The following TCF4 variants were observed in gnomAD, a reference collection of about 807,000 sequenced individuals.
The protein encoded by TCF4 is SL3-3 enhancer factor 2.
A neutral mutation model predicts 82.1 loss-of-function variants in TCF4; 3 were observed. The observed-to-expected ratio is 0.04, with a 90% confidence interval of 0.02 to 0.09. The LOEUF is 0.09. TCF4 is among the 10% of genes least tolerant of loss of function. TCF4 has a pLI of 1.00. For synonymous variants in TCF4, 276 were observed against 309.6 expected (o/e 0.89, Z 1.14); for missense variants, 518 against 852.7 (o/e 0.61, Z 4.89).
chr18:55,437,993 G>C (rs570518353), intron 5 of TCF4, among the ~76,000 whole-genome samples: 1 of 152,218 alleles, frequency 6.6e-6, no homozygotes, highest in Admixed American at 6.5e-5. Flanking sequence ...TTGAGGTCAG[G>C]AGTTTGAGAC....
At chr18:55,318,101 T>C (rs2074592330) in intron 8 of TCF4, among the ~76,000 whole-genome samples, 1 of 152,146 alleles carries the variant, frequency 6.6e-6, no homozygotes, top group South Asian at 2.1e-4. Context: ...GATGATGTGA[T>C]CTTCAATTAC....
At chr18:55,365,553 C>A (rs754409051) in intron 6 of TCF4, among the ~76,000 whole-genome samples, 2 of 151,830 alleles carry the variant, frequency 1.3e-5, no homozygotes, top group South Asian at 2.1e-4. Context: ...GACCTCAGAG[C>A]GAGCCCATCA....
At chr18:55,278,824 T>TA (rs2061967209) in intron 9 of TCF4, among the ~76,000 whole-genome samples, 1 of 20,314 alleles carries the variant, frequency 4.9e-5, no homozygotes, top group Admixed American at 6.3e-4. Flanking sequence ...TGCCTTGGCC[T>TA]CCCAAGTGTT....
chr18:55,396,321 T>G (rs2093486966), intron 6 of TCF4, among the ~76,000 whole-genome samples: 2 of 152,194 alleles, frequency 1.3e-5, no homozygotes, highest in African/African-American at 4.8e-5. Flanking sequence ...GACAATAATA[T>G]TAACCAACTC....
chr18:55,319,469 T>C (rs776626951), intron 8 of TCF4, among the ~76,000 whole-genome samples: 1 of 152,212 alleles, frequency 6.6e-6, no homozygotes, highest in Admixed American at 6.5e-5. Context: ...GGACAACTGG[T>C]AGCCATCCGC....
At chr18:55,362,894 A>T (rs1311917025) in intron 6 of TCF4, among the ~76,000 whole-genome samples, 1 of 152,212 alleles carries the variant, frequency 6.6e-6, no homozygotes, top group Non-Finnish European at 1.5e-5. Flanking sequence ...AAAATCATGA[A>T]AGGATTCAGC....
intron 8 of TCF4, among the ~76,000 whole-genome samples, chr18:55,297,782 C>CA (rs912871171): frequency 1.1e-3 from 156 of 146,432 alleles, no homozygotes; most frequent in Middle Eastern, 3.6e-3. Context: ...AAGAAGCAAA[C>CA]AAAAAAAAAA....
intron 2 of TCF4, among the ~76,000 whole-genome samples, chr18:55,625,121 A>G (rs1272116654): frequency 6.6e-6 from 1 of 152,164 alleles, no homozygotes; most frequent in Non-Finnish European, 1.5e-5. Flanking sequence ...AAGTTGAGGA[A>G]TTTTCATAAT....
chr18:55,516,384 GT>G (rs573699607), intron 3 of TCF4, among the ~76,000 whole-genome samples: 10 of 151,014 alleles, frequency 6.6e-5, no homozygotes, highest in South Asian at 4.2e-4. Context: ...GGTTTTTTGG[GT>G]TTTTTTTTAA....
rs962581774 is a variant in TCF4, at chr18:55,302,436, C to T, written c.550-22780G>A. On this transcript the variant is annotated intron_variant, in intron 8 of 19. Coordinates refer to ENST00000354452, the MANE Select transcript of TCF4 (RefSeq NM_001083962.2). ...CTTACCTCTGCTTTCCCTTCGTGGT[C>T]CAGGCAACATAGCCCTGTATCTGAG... 2 of 1,536,242 alleles carry T rather than the reference C, an allele frequency of 1.3e-6. No homozygotes were observed. Among genetic ancestry groups the T allele is most frequent in the African/African-American group, 1.4e-5 (1 of 73,112 alleles).
At chr18:55,617,792 G>T (rs2097713600) in intron 2 of TCF4, among the ~76,000 whole-genome samples, 1 of 147,632 alleles carries the variant, frequency 6.8e-6, no homozygotes, top group African/African-American at 2.5e-5. Context: ...TGAAACTTTA[G>T]TGAATTCATT....
At chr18:55,425,801 C>A (rs1487606339) in intron 5 of TCF4, among the ~76,000 whole-genome samples, 1 of 152,108 alleles carries the variant, frequency 6.6e-6, no homozygotes, top group South Asian at 2.1e-4. Flanking sequence ...GATTTCATTT[C>A]TTTTGTTACA....
At chr18:55,500,983 A>G (rs955728142) in intron 3 of TCF4, among the ~76,000 whole-genome samples, 8 of 152,240 alleles carry the variant, frequency 5.3e-5, no homozygotes, top group African/African-American at 1.9e-4. Context: ...ATTCCTTTAT[A>G]AATCAATGTA....
chr18:55,309,402 A>AT (rs2071507578), intron 8 of TCF4, among the ~76,000 whole-genome samples: 1 of 152,054 alleles, frequency 6.6e-6, no homozygotes, highest in Admixed American at 6.6e-5. Context: ...GATTACAGGC[A>AT]TAAGCCACTG....
intron 6 of TCF4, among the ~76,000 whole-genome samples, chr18:55,362,745 A>G (rs574374487): frequency 2.0e-5 from 3 of 152,368 alleles, no homozygotes; most frequent in African/African-American, 2.4e-5. Context: ...ATTTGCATTT[A>G]TAAATATTCT....
At chr18:55,342,799 C>T (rs957086683) in intron 8 of TCF4, among the ~76,000 whole-genome samples, 1 of 152,070 alleles carries the variant, frequency 6.6e-6, no homozygotes, top group Non-Finnish European at 1.5e-5. Context: ...GTTAATGTAC[C>T]TGAGCACCTG....
chr18:55,379,058 T>C (rs1328011097), intron 6 of TCF4, among the ~76,000 whole-genome samples: 1 of 152,228 alleles, frequency 6.6e-6, no homozygotes, highest in Non-Finnish European at 1.5e-5. Context: ...TTCTGACATA[T>C]TTCACTTCTA....
intron 3 of TCF4, among the ~76,000 whole-genome samples, chr18:55,538,705 A>G (rs1002504772): frequency 6.6e-6 from 1 of 152,190 alleles, no homozygotes; most frequent in Non-Finnish European, 1.5e-5. Context: ...GCAATGTTAG[A>G]CGTATCTTAG....
At chr18:55,474,169 T>C (rs2096244037) in intron 3 of TCF4, among the ~76,000 whole-genome samples, 1 of 152,200 alleles carries the variant, frequency 6.6e-6, no homozygotes, top group South Asian at 2.1e-4. Context: ...GAATTTGAAA[T>C]ACTTTACACA....
Sources: allele counts gnomAD v4.1 joint callset (sites outside exome capture counted in the v4.1 genomes callset), GRCh38; gene constraint gnomAD v4.1.1; transcripts MANE v1.5; gene names NCBI Gene and HGNC (gene_info 2026-07-23, HGNC 2026-07-21).